Variants in PRKD1 observed in about 807,000 individuals in gnomAD.
PRKD1 encodes the protein serine/threonine-protein kinase D1.
Under a neutral mutation model 95.9 loss-of-function variants are expected in PRKD1, and 63 were observed. The observed-to-expected ratio is 0.66, with a 90% confidence interval of 0.54 to 0.81. The LOEUF (loss-of-function observed/expected upper bound fraction) is 0.81. PRKD1 is among the 30% of genes least tolerant of loss of function. The probability of loss-of-function intolerance (pLI) is 0.00; values close to 1 mark genes in which losing one functional copy is unlikely to be tolerated. For synonymous variants in PRKD1, 425 were observed against 423.1 expected (o/e 1.00, Z -0.05); for missense variants, 1,048 against 1,165.3 (o/e 0.90, Z 1.47).
intron 1 of PRKD1, among the ~76,000 whole-genome samples, chr14:29,774,289 T>TTTA (rs1341593118): frequency 6.6e-6 from 1 of 152,056 alleles, no homozygotes; most frequent in African/African-American, 2.4e-5. Flanking sequence ...AAGAAATAAT[T>TTTA]TTATGGCTTT....
chr14:29,895,343 T>C (rs1443809752), intron 1 of PRKD1, among the ~76,000 whole-genome samples: 1 of 151,652 alleles, frequency 6.6e-6, no homozygotes, highest in Non-Finnish European at 1.5e-5. Flanking sequence ...ACAAAAAACG[T>C]TCATTTATAC....
chr14:29,829,945 AT>A (rs1353213198), intron 1 of PRKD1, among the ~76,000 whole-genome samples: 24 of 152,334 alleles, frequency 1.6e-4, no homozygotes, highest in African/African-American at 4.3e-4. Flanking sequence ...TAATAAAAAA[AT>A]ATTAATGAAG....
chr14:29,597,013 C>G (rs1202319353), intron 16 of PRKD1, among the ~76,000 whole-genome samples: 2 of 151,932 alleles, frequency 1.3e-5, no homozygotes, highest in Non-Finnish European at 2.9e-5. Context: ...CCTAAAAATT[C>G]CAGGGGAATG....
At chr14:29,815,938 G>A (rs555521595) in intron 1 of PRKD1, among the ~76,000 whole-genome samples, 8 of 152,240 alleles carry the variant, frequency 5.3e-5, no homozygotes, top group Non-Finnish European at 1.0e-4. Flanking sequence ...AGTCATATCA[G>A]GCCGGGCGCG....
chr14:29,922,969 T>C lies in PRKD1; in HGVS notation c.264+4280A>G, dbSNP rs537675710. ...CCCAGTGGCTCACACCCAGTGGGAT[T>C]CCTTAAATCCCAGCACTTTGGGAGG... On this transcript the variant is annotated intron_variant, in intron 1 of 17. Transcript: ENST00000331968. 4.2e-4 allele frequency among the ~76,000 whole-genome samples: 64 copies of C among 151,724 alleles called. No homozygotes were observed. The Middle Eastern group carries it at 0.014, about 33-fold the overall frequency.
intron 1 of PRKD1, among the ~76,000 whole-genome samples, chr14:29,882,311 C>T (rs542857565): frequency 1.3e-5 from 2 of 152,314 alleles, no homozygotes; most frequent in African/African-American, 4.8e-5. Flanking sequence ...TGACTCACCA[C>T]TGAAACTTAA....
chr14:29,642,511 T>G (rs534091687), intron 4 of PRKD1, among the ~76,000 whole-genome samples: 3 of 152,202 alleles, frequency 2.0e-5, no homozygotes, highest in Admixed American at 6.5e-5. Flanking sequence ...GGAAACTAGA[T>G]AGCAATTCGA....
Position 29,597,657 on chromosome 14 carries a change from C to A in PRKD1, c.2268G>T (p.Arg756Ser). Residue 756 changes from arginine (R) to serine (S), a missense_variant, in exon 16 of 18, where the codon AGG (arginine) becomes AGT (serine). This residue lies in a region of PRKD1 where 739 missense variants were observed against 861.9 expected (regional missense o/e 0.86). Transcript: ENST00000331968. ...TPAYLAPEVL[R>S]NKGYNRSLDM... Reference sequence around the variant, plus strand: ...CTAGAGAGCGATTGTAGCCCTTGTTCCTTAGGACCTCAGGAGCCAGGTAAG... The same window carrying A: ...CTAGAGAGCGATTGTAGCCCTTGTTACTTAGGACCTCAGGAGCCAGGTAAG... 1 of 1,614,030 alleles carries A rather than the reference C, an allele frequency of 6.2e-7. No homozygotes were observed.
intron 1 of PRKD1, among the ~76,000 whole-genome samples, chr14:29,789,094 C>A (rs1190968192): frequency 2.0e-5 from 3 of 152,028 alleles, no homozygotes; most frequent in African/African-American, 7.2e-5. Flanking sequence ...ATATGTTGCC[C>A]AGACTGGTCT....
chr14:29,587,876 G>C (rs893033454), intron 16 of PRKD1, among the ~76,000 whole-genome samples: 6 of 152,034 alleles, frequency 3.9e-5, no homozygotes, highest in Non-Finnish European at 7.4e-5. Context: ...AGATTGTTTA[G>C]AATGTTAAAC....
chr14:29,904,864 T>A (rs909142726), intron 1 of PRKD1, among the ~76,000 whole-genome samples: 6 of 152,222 alleles, frequency 3.9e-5, no homozygotes, highest in African/African-American at 1.4e-4. Flanking sequence ...CTAACACTCC[T>A]ATTGTAAAAT....
intron 2 of PRKD1, among the ~76,000 whole-genome samples, chr14:29,718,015 C>A (rs559270974): frequency 6.6e-6 from 1 of 152,234 alleles, no homozygotes; most frequent in Admixed American, 6.5e-5. Context: ...GCACCAAGCA[C>A]AATATCCCTA....
intron 13 of PRKD1, among the ~76,000 whole-genome samples, chr14:29,621,404 TTCTC>T (rs1020068716): frequency 4.6e-5 from 7 of 151,918 alleles, no homozygotes; most frequent in African/African-American, 1.7e-4. Flanking sequence ...CTCTCTCTCT[TTCTC>T]TCTTTATTTC....
At chr14:29,619,864 A>G (rs1566490832) in intron 13 of PRKD1, among the ~76,000 whole-genome samples, 1 of 152,138 alleles carries the variant, frequency 6.6e-6, no homozygotes, top group Non-Finnish European at 1.5e-5. Context: ...CTGCATCACC[A>G]AGTCAATCCT....
chr14:29,819,199 A>C (rs577462845), intron 1 of PRKD1, among the ~76,000 whole-genome samples: 1 of 152,308 alleles, frequency 6.6e-6, no homozygotes, highest in Admixed American at 6.5e-5. Flanking sequence ...TGAAATATAA[A>C]TGGTAGGTTA....
intron 13 of PRKD1, among the ~76,000 whole-genome samples, chr14:29,604,557 C>T (rs1893636942): frequency 3.3e-5 from 5 of 152,118 alleles, no homozygotes; most frequent in Admixed American, 2.0e-4. Flanking sequence ...GGGTGGGGGG[C>T]ATGAGGTACA....
chr14:29,587,264 T>C (rs1892967329), intron 16 of PRKD1, among the ~76,000 whole-genome samples: 1 of 152,220 alleles, frequency 6.6e-6, no homozygotes, highest in Non-Finnish European at 1.5e-5. Context: ...GGTAATATTC[T>C]AGATAATTAC....
chr14:29,719,866 G>T (rs1047511069), intron 2 of PRKD1, among the ~76,000 whole-genome samples: 6 of 152,012 alleles, frequency 3.9e-5, no homozygotes, highest in Admixed American at 2.0e-4. Context: ...GTAGAGAGTG[G>T]CCTGCTGAAC....
intron 1 of PRKD1, among the ~76,000 whole-genome samples, chr14:29,836,655 ACCT>A (rs1470203266): frequency 6.6e-6 from 1 of 151,870 alleles, no homozygotes; most frequent in Non-Finnish European, 1.5e-5. Flanking sequence ...GTTTGCCAAC[ACCT>A]CCTCCTCATG....
Sources: allele counts gnomAD v4.1 joint callset (sites outside exome capture counted in the v4.1 genomes callset), GRCh38; gene constraint gnomAD v4.1.1; regional missense constraint gnomAD v4.1.1; transcripts MANE v1.5; gene names NCBI Gene and HGNC (gene_info 2026-07-23, HGNC 2026-07-21).